The following NTM variants were observed in gnomAD, a reference collection of about 807,000 sequenced individuals.
NTM encodes neurotrimin.
A neutral mutation model predicts 42.1 loss-of-function variants in NTM; 13 were observed. The ratio of observed to expected loss-of-function variants is 0.31; its 90% CI spans 0.20 to 0.49. NTM has a LOEUF of 0.49. Ranked by LOEUF, NTM falls within the 20% of genes least tolerant of loss-of-function variation. NTM has a pLI of 0.99. For synonymous variants in NTM, 187 were observed against 179.2 expected (o/e 1.04, Z -0.35); for missense variants, 373 against 452.8 (o/e 0.82, Z 1.60).
chr11:131,841,683 T>A (rs7925529), intron 1 of NTM, among the ~76,000 whole-genome samples: 7,006 of 152,216 alleles, frequency 0.046, 536 homozygotes, highest in African/African-American at 0.16. Context: ...CACAAGCTAC[T>A]AAGGGAGCCC....
intron 1 of NTM, among the ~76,000 whole-genome samples, chr11:131,868,419 C>T (rs552163181): frequency 1.3e-5 from 2 of 152,270 alleles, no homozygotes; most frequent in South Asian, 2.1e-4. Context: ...TTCCGCACTC[C>T]GGCCCTCTCC....
At chr11:132,045,760 C>A (rs1273516558) in intron 2 of NTM, among the ~76,000 whole-genome samples, 1 of 152,106 alleles carries the variant, frequency 6.6e-6, no homozygotes, top group Non-Finnish European at 1.5e-5. Flanking sequence ...TTTCCCACGG[C>A]ACAGCACGTG....
At chr11:132,226,477 T>C (rs1042449680) in intron 4 of NTM, among the ~76,000 whole-genome samples, 2 of 152,258 alleles carry the variant, frequency 1.3e-5, no homozygotes, top group Non-Finnish European at 2.9e-5. Flanking sequence ...TGAGGTTTTT[T>C]TCATATGTTT....
At chr11:132,320,970 CTGTT>C in intron 7 of NTM, among the ~76,000 whole-genome samples, 1 of 151,008 alleles carries the variant, frequency 6.6e-6, no homozygotes, top group East Asian at 1.9e-4. Flanking sequence ...AGGGTCCTGT[CTGTT>C]AGAAGGAAAA....
chr11:131,995,118 C>G (rs532826257), intron 2 of NTM, among the ~76,000 whole-genome samples: 1 of 152,342 alleles, frequency 6.6e-6, no homozygotes, highest in South Asian at 2.1e-4. Flanking sequence ...TCTCACCTTT[C>G]TATCTCCTTT....
chr11:131,861,237 AAAG>A (rs778865663), intron 1 of NTM, among the ~76,000 whole-genome samples: 1 of 152,206 alleles, frequency 6.6e-6, no homozygotes, highest in Non-Finnish European at 1.5e-5. Flanking sequence ...ATATTAATAA[AAAG>A]AAGGCTGTAC....
chr11:131,561,214 G>A (rs1229761118), intron 1 of NTM, among the ~76,000 whole-genome samples: 5 of 152,244 alleles, frequency 3.3e-5, no homozygotes, highest in Non-Finnish European at 2.9e-5. Context: ...GAAGGGCACA[G>A]TGTAAGGCCC....
intron 3 of NTM, among the ~76,000 whole-genome samples, chr11:132,153,039 C>A (rs753534127): frequency 6.6e-6 from 1 of 152,178 alleles, no homozygotes; most frequent in Non-Finnish European, 1.5e-5. Flanking sequence ...GGCTTTACAG[C>A]AAGCACTTAC....
intron 7 of NTM, among the ~76,000 whole-genome samples, chr11:132,316,136 C>T (rs2095423523): frequency 6.8e-6 from 1 of 147,328 alleles, no homozygotes; most frequent in Admixed American, 6.8e-5. Flanking sequence ...CCCACTTTGA[C>T]CTACTCTCTC....
chr11:131,882,786 G>T (rs1433454960), intron 1 of NTM, among the ~76,000 whole-genome samples: 2 of 152,314 alleles, frequency 1.3e-5, no homozygotes, highest in African/African-American at 2.4e-5. Flanking sequence ...GCAACTCTTA[G>T]CTTAATTCAA....
intron 1 of NTM, among the ~76,000 whole-genome samples, chr11:131,739,832 C>G (rs901842424): frequency 1.3e-5 from 2 of 152,210 alleles, no homozygotes; most frequent in African/African-American, 4.8e-5. Context: ...TCTTCAAATG[C>G]AGACAGGTCT....
chr11:132,256,427 C>G (rs755697281), intron 4 of NTM, among the ~76,000 whole-genome samples: 2 of 152,196 alleles, frequency 1.3e-5, no homozygotes, highest in Non-Finnish European at 2.9e-5. Context: ...TAATCACTTG[C>G]ACTGTTCGGC....
intron 2 of NTM, among the ~76,000 whole-genome samples, chr11:132,059,616 A>C (rs2080285786): frequency 6.6e-6 from 1 of 152,022 alleles, no homozygotes; most frequent in Non-Finnish European, 1.5e-5. Flanking sequence ...CTCACTACTC[A>C]AGCCAAGCTG....
At chr11:132,163,489 G>T (rs1443734224) in intron 3 of NTM, among the ~76,000 whole-genome samples, 6 of 152,198 alleles carry the variant, frequency 3.9e-5, no homozygotes, top group Non-Finnish European at 5.9e-5. Flanking sequence ...TGCACACTGT[G>T]TCATTTAATG....
At chr11:131,952,835 A>G (rs1389897904) in intron 2 of NTM, among the ~76,000 whole-genome samples, 3 of 152,208 alleles carry the variant, frequency 2.0e-5, no homozygotes, top group Non-Finnish European at 4.4e-5. Context: ...ACTGGTGACC[A>G]ATGCATTATC....
chr11:131,467,138 TAAGG>T (rs1185457720), intron 1 of NTM, among the ~76,000 whole-genome samples: 1 of 151,950 alleles, frequency 6.6e-6, no homozygotes, highest in Non-Finnish European at 1.5e-5. Flanking sequence ...AAAGGAAAGC[TAAGG>T]AAGGGAGAGA....
chr11:131,845,873 A>G (rs1592240583), intron 1 of NTM, among the ~76,000 whole-genome samples: 1 of 152,158 alleles, frequency 6.6e-6, no homozygotes, highest in Middle Eastern at 3.4e-3. Flanking sequence ...CCTCTCTGGT[A>G]TTATCCTCTT....
At chr11:132,212,708 C>T (rs1369749891) in intron 4 of NTM, among the ~76,000 whole-genome samples, 1 of 152,166 alleles carries the variant, frequency 6.6e-6, no homozygotes, top group Non-Finnish European at 1.5e-5. Flanking sequence ...TCAGATGTTA[C>T]GTAGACCAAA....
chr11:131,954,867 C>T (rs2061401213), intron 2 of NTM, among the ~76,000 whole-genome samples: 1 of 152,138 alleles, frequency 6.6e-6, no homozygotes, highest in African/African-American at 2.4e-5. Flanking sequence ...ATATACACAT[C>T]TTTCTGTTTC....
Sources: allele counts gnomAD v4.1 joint callset (sites outside exome capture counted in the v4.1 genomes callset), GRCh38; gene constraint gnomAD v4.1.1; transcripts MANE v1.5; gene names NCBI Gene and HGNC (gene_info 2026-07-23, HGNC 2026-07-21).